The following NME7 variants were observed in gnomAD, a reference collection of about 807,000 sequenced individuals.
NME7 encodes the protein NME/NM23 family member 7, also known as nucleoside diphosphate kinase 7.
NME7 carries 41 observed loss-of-function variants against 49.1 expected under a neutral mutation model. That is an observed-to-expected ratio of 0.83 (90% CI 0.65 to 1.08). The LOEUF is 1.08. Among genes scored for constraint, NME7 ranks in the 50% least tolerant of loss-of-function variants. NME7 has a pLI of 0.00. For missense variants in NME7, 423 were observed against 463.4 expected, an observed-to-expected ratio of 0.91 and a Z score of 0.80; for synonymous variants, 139 against 150.6, an observed-to-expected ratio of 0.92 and a Z score of 0.56.
chr1:169,298,404 G>A, intron 6 of NME7, 152 bp downstream of exon 6: 1 of 721,590 alleles, frequency 1.4e-6, no homozygotes, highest in South Asian at 1.8e-5. Context: ...CTGAATCACT[G>A]TTTGATAGTA....
At chr1:169,206,146 A>G (rs1272461299) in intron 10 of NME7, among the ~76,000 whole-genome samples, 9 of 152,212 alleles carry the variant, frequency 5.9e-5, no homozygotes, top group African/African-American at 2.2e-4. Flanking sequence ...ATCATATTAT[A>G]TATTTTACTT....
chr1:169,333,091 G>A (rs1334975638), intron 1 of NME7, among the ~76,000 whole-genome samples: 1 of 151,982 alleles, frequency 6.6e-6, no homozygotes, highest in South Asian at 2.1e-4. Flanking sequence ...AAGAAAATGT[G>A]GTACATATAC....
At position 169,187,100 on chromosome 1, in the gene NME7, T is replaced by C. The variant is rs1388130558; in HGVS notation, c.991-17546A>G. On this transcript the variant is annotated intron_variant, in intron 10 of 11. Transcript: ENST00000367811. ...TGAGTTTCTTAATCCTGAGTTCTAA[T>C]TTGATGGCACTGTGGTCTGAGAGAC... 2.0e-5 allele frequency among the ~76,000 whole-genome samples: 3 copies of C among 152,212 alleles called. No homozygotes were observed. In the East Asian group the frequency reaches 5.8e-4, roughly 29 times the overall value.
intron 1 of NME7, among the ~76,000 whole-genome samples, chr1:169,334,158 G>GTC (rs71121762): frequency 0.35 from 53,254 of 151,878 alleles, 10,424 homozygotes; most frequent in Non-Finnish European, 0.44. Flanking sequence ...TCAGTAACTA[G>GTC]TCAATCTATT....
At chr1:169,354,740 C>A in intron 1 of NME7, among the ~76,000 whole-genome samples, 1 of 138,588 alleles carries the variant, frequency 7.2e-6, no homozygotes, top group African/African-American at 2.7e-5. Flanking sequence ...ATACACACAC[C>A]TAGTATACTA....
At chr1:169,150,114 T>C (rs898122571) in intron 11 of NME7, among the ~76,000 whole-genome samples, 2 of 152,156 alleles carry the variant, frequency 1.3e-5, no homozygotes, top group Non-Finnish European at 2.9e-5. Context: ...CAAGGCTGCA[T>C]TGAGCTATGA....
chr1:169,233,283 T>G (rs563642195), intron 9 of NME7, among the ~76,000 whole-genome samples: 1 of 152,204 alleles, frequency 6.6e-6, no homozygotes, highest in South Asian at 2.1e-4. Context: ...CCAAGAAAAA[T>G]GCCTCTCATA....
intron 1 of NME7, among the ~76,000 whole-genome samples, chr1:169,350,190 G>A (rs1211752112): frequency 2.2e-5 from 3 of 138,840 alleles, no homozygotes; most frequent in Non-Finnish European, 4.6e-5. Context: ...AGGAAAGGAA[G>A]GAAAGGAAGG....
intron 11 of NME7, among the ~76,000 whole-genome samples, chr1:169,143,931 T>A (rs762887534): frequency 6.6e-6 from 1 of 152,184 alleles, no homozygotes; most frequent in African/African-American, 2.4e-5. Flanking sequence ...TACGGACCAT[T>A]TCCCCCCCAG....
intron 6 of NME7, among the ~76,000 whole-genome samples, chr1:169,290,084 A>T (rs1650440118): frequency 6.6e-6 from 1 of 152,094 alleles, no homozygotes; most frequent in South Asian, 2.1e-4. Flanking sequence ...TATAATTTTT[A>T]AATTTTTAAA....
intron 7 of NME7, among the ~76,000 whole-genome samples, chr1:169,241,514 T>C (rs1176876601): frequency 6.6e-6 from 1 of 151,972 alleles, no homozygotes; most frequent in African/African-American, 2.4e-5. Flanking sequence ...ATCTAAATAT[T>C]AAACACTATG....
chr1:169,238,130 T>C (rs1647934127), intron 7 of NME7, among the ~76,000 whole-genome samples: 1 of 151,656 alleles, frequency 6.6e-6, no homozygotes, highest in African/African-American at 2.4e-5. Flanking sequence ...CACGGGGAAA[T>C]GAAAAGCATG....
intron 1 of NME7, among the ~76,000 whole-genome samples, chr1:169,349,638 G>A (rs2101973384): frequency 6.6e-6 from 1 of 152,160 alleles, no homozygotes; most frequent in East Asian, 1.9e-4. Context: ...AATCCACAAT[G>A]TATGTCTATT....
chr1:169,279,442 C>T (rs1002112874), intron 7 of NME7, among the ~76,000 whole-genome samples: 3 of 152,220 alleles, frequency 2.0e-5, no homozygotes, highest in African/African-American at 7.2e-5. Flanking sequence ...TGATCTCACA[C>T]TGCTGTGCTA....
intron 10 of NME7, among the ~76,000 whole-genome samples, chr1:169,192,711 G>C (rs1326566885): frequency 6.6e-6 from 1 of 152,114 alleles, no homozygotes; most frequent in Non-Finnish European, 1.5e-5. Flanking sequence ...TTATTGTGTG[G>C]AGAAAAACTA....
intron 10 of NME7, among the ~76,000 whole-genome samples, chr1:169,182,083 C>T (rs948669874): frequency 6.6e-6 from 1 of 151,034 alleles, no homozygotes; most frequent in African/African-American, 2.4e-5. Flanking sequence ...ATGCTCACTG[C>T]AGCCTTGAAC....
intron 7 of NME7, chr1:169,286,572 T>C (rs969251183): frequency 1.3e-5 from 2 of 152,122 alleles, no homozygotes; most frequent in African/African-American, 4.8e-5. Context: ...TATGCAAACA[T>C]GTATATACAT....
intron 10 of NME7, among the ~76,000 whole-genome samples, chr1:169,211,196 C>T (rs2101793418): frequency 6.6e-6 from 1 of 152,184 alleles, no homozygotes; most frequent in South Asian, 2.1e-4. Flanking sequence ...TAAAATAAAT[C>T]TGGAAACATA....
chr1:169,323,697 T>G (rs1651940733), intron 2 of NME7, among the ~76,000 whole-genome samples: 1 of 152,168 alleles, frequency 6.6e-6, no homozygotes, highest in South Asian at 2.1e-4. Context: ...CAGAAGTCTC[T>G]TAGCTTGAGC....
Sources: allele counts gnomAD v4.1 joint callset (sites outside exome capture counted in the v4.1 genomes callset), GRCh38; gene constraint gnomAD v4.1.1; transcripts MANE v1.5; gene names NCBI Gene and HGNC (gene_info 2026-07-23, HGNC 2026-07-21).